NCOA7: variants seen among roughly 807,000 people sequenced by gnomAD.
NCOA7 encodes 140 kDa estrogen receptor-associated protein.
NCOA7 carries 45 observed loss-of-function variants against 104.3 expected under a neutral mutation model. That is an observed-to-expected ratio of 0.43 (90% confidence interval 0.34 to 0.55). The LOEUF (loss-of-function observed/expected upper bound fraction) is 0.55, where lower values mean the gene tolerates loss of function less well. Ranked by LOEUF, NCOA7 falls within the 20% of genes least tolerant of loss-of-function variation. The probability of loss-of-function intolerance (pLI) is 0.02; values close to 1 mark genes in which losing one functional copy is unlikely to be tolerated. For missense variants in NCOA7, 1,041 were observed against 1,119.7 expected (o/e 0.93, Z 1.00); for synonymous variants, 398 against 402.3 (o/e 0.99, Z 0.13).
chr6:125,904,202 G>T (rs1785761697), intron 10 of NCOA7, among the ~76,000 whole-genome samples: 1 of 152,016 alleles, frequency 6.6e-6, no homozygotes, highest in Admixed American at 6.6e-5. Context: ...TAAGCAAATG[G>T]TAAGTCTTGT....
At chr6:125,790,200 G>A (rs182997278), upstream of NCOA7, among the ~76,000 whole-genome samples, 3 of 152,344 alleles carry the variant, frequency 2.0e-5, no homozygotes, top group African/African-American at 7.2e-5. Flanking sequence ...AACGCCAGAA[G>A]GGACACAGGA....
intron 4 of NCOA7, among the ~76,000 whole-genome samples, chr6:125,876,136 T>C (rs1241810908): frequency 6.6e-6 from 1 of 152,248 alleles, no homozygotes; most frequent in East Asian, 1.9e-4. Context: ...ATAGTCATTA[T>C]TTGTAAGCAA....
At chr6:125,838,517 G>C (rs1452247440) in intron 2 of NCOA7, among the ~76,000 whole-genome samples, 1 of 152,154 alleles carries the variant, frequency 6.6e-6, no homozygotes, top group Non-Finnish European at 1.5e-5. Flanking sequence ...GGGTACTTCT[G>C]TTTGCAAGCC....
intron 6 of NCOA7, among the ~76,000 whole-genome samples, chr6:125,881,740 C>CATGGATAG (rs1783852595): frequency 6.9e-6 from 1 of 144,392 alleles, no homozygotes; most frequent in Non-Finnish European, 1.5e-5. Context: ...TTTCCAGTGA[C>CATGGATAG]ATGGATAGTT....
intron 2 of NCOA7, among the ~76,000 whole-genome samples, chr6:125,853,722 T>C (rs186028326): frequency 2.1e-4 from 32 of 152,328 alleles, no homozygotes; most frequent in Non-Finnish European, 3.5e-4. Flanking sequence ...TATTTCTGTT[T>C]CTGTTTGTGT....
intron 2 of NCOA7, among the ~76,000 whole-genome samples, chr6:125,839,475 T>C (rs1779928393): frequency 6.6e-6 from 1 of 151,360 alleles, no homozygotes; most frequent in Admixed American, 6.6e-5. Context: ...AAGTGGACTG[T>C]CGGGTGGGGC....
intron 2 of NCOA7, among the ~76,000 whole-genome samples, chr6:125,847,782 A>G (rs1780754719): frequency 6.6e-6 from 1 of 152,242 alleles, no homozygotes; most frequent in South Asian, 2.1e-4. Context: ...AGCAATGGCA[A>G]CAAAAGCCAA....
chr6:125,853,080 G>T (rs1781258499), intron 2 of NCOA7, among the ~76,000 whole-genome samples: 1 of 152,124 alleles, frequency 6.6e-6, no homozygotes, highest in Non-Finnish European at 1.5e-5. Context: ...ATTTTTATTT[G>T]TTCATGTCAT....
At position 125,862,513 on chromosome 6, in the gene NCOA7, C is replaced by T. The variant is rs1478596822; in HGVS notation, c.271+7273C>T. ...AAGAGACCTTTTGTGTTGTAGATTA[C>T]CTTAAACAAATTTATGAACAAATTA... On this transcript the variant is annotated intron_variant, in intron 3 of 15. Coordinates refer to ENST00000392477, the MANE Select transcript of NCOA7 (RefSeq NM_181782.5). 2.9e-5 allele frequency among the ~76,000 whole-genome samples: 4 copies of T among 137,902 alleles called. 2 individuals carry two copies. Among genetic ancestry groups the T allele is most frequent in the Non-Finnish European group, 6.2e-5 (4 of 64,834 alleles). 90.5% of individuals were successfully genotyped at this position (137,902 alleles called of 152,430 possible).
chr6:125,916,090 A>G (rs1787047554), intron 11 of NCOA7, among the ~76,000 whole-genome samples: 1 of 152,176 alleles, frequency 6.6e-6, no homozygotes, highest in Admixed American at 6.5e-5. Context: ...CAAGGGAGGC[A>G]CCTGGTGGGA....
chr6:125,790,731 C>T (rs1417969966), upstream of NCOA7: 1 of 152,206 alleles, frequency 6.6e-6, no homozygotes, highest in Non-Finnish European at 1.5e-5. Context: ...GACTGCCCGC[C>T]TTCAGCCGGG....
chr6:125,840,604 TC>T (rs954610408), intron 2 of NCOA7, among the ~76,000 whole-genome samples: 1 of 150,958 alleles, frequency 6.6e-6, no homozygotes, highest in Non-Finnish European at 1.5e-5. Flanking sequence ...GCCTCAAACC[TC>T]CCAGGCTCAG....
rs143484936 is a variant in NCOA7, at chr6:125,908,625, C to A, written c.2097-6708C>A. On this transcript the variant is annotated intron_variant, in intron 10 of 15. Coordinates refer to ENST00000392477, the MANE Select transcript of NCOA7 (RefSeq NM_181782.5). ...TACAGACTTTATATAAATCTTCCTT[C>A]TCCCTGACCTACTACCCCATCCACC... 1.9e-3 allele frequency among the ~76,000 whole-genome samples: 287 copies of A among 152,314 alleles called. 4 individuals are homozygous for A. The highest frequency in any genetic ancestry group is 6.4e-3 in the East Asian group (33 of 5,188).
rs1457622740 is a variant in NCOA7 at position 125,836,151 on chromosome 6, A to G, written c.51-18869A>G. 2.6e-5 allele frequency among the ~76,000 whole-genome samples: 4 copies of G among 152,238 alleles called. No homozygotes were observed. The East Asian group carries it at 7.7e-4, about 29-fold the overall frequency. The stretch of plus-strand genomic sequence containing the variant: ...GTGACAGCTTTATGTAGAATTCAGA[A>G]AACTCAATTTAGTGTTTAATACCAC... On this transcript the variant is annotated intron_variant, in intron 2 of 15. Coordinates refer to ENST00000392477, the MANE Select transcript of NCOA7 (RefSeq NM_181782.5).
At chr6:125,843,262 A>G (rs958045089) in intron 2 of NCOA7, among the ~76,000 whole-genome samples, 1 of 152,160 alleles carries the variant, frequency 6.6e-6, no homozygotes, top group Non-Finnish European at 1.5e-5. Flanking sequence ...AAATGGAGGA[A>G]GGGGCTACCA....
chr6:125,879,755 TG>T (rs1160037324), intron 5 of NCOA7, among the ~76,000 whole-genome samples: 1 of 152,146 alleles, frequency 6.6e-6, no homozygotes, highest in African/African-American at 2.4e-5. Flanking sequence ...TCCAGCACTT[TG>T]GAGGCCAAGG....
At chr6:125,924,361 G>T (rs553273309) in intron 13 of NCOA7, among the ~76,000 whole-genome samples, 1 of 152,190 alleles carries the variant, frequency 6.6e-6, no homozygotes, top group Non-Finnish European at 1.5e-5. Context: ...GTCACTGGGT[G>T]GAGTCTTGCT....
At chr6:125,879,266 G>A (rs2077988278) in intron 5 of NCOA7, among the ~76,000 whole-genome samples, 1 of 152,190 alleles carries the variant, frequency 6.6e-6, no homozygotes, top group Non-Finnish European at 1.5e-5. Flanking sequence ...TTTACTGTTA[G>A]TGCATCATAG....
rs751145926 is a variant in NCOA7 at position 125,889,129 on chromosome 6, C to T, written c.1075C>T (p.Pro359Ser). Residue 359 changes from proline (P) to serine (S), a missense_variant, in exon 9 of 16, where the codon CCT becomes TCT. By Grantham distance (74) the Pro-to-Ser change is moderately conservative. Transcript: ENST00000392477. Reference protein sequence around the residue: ...VPLEKSTGHTPTKPSGSSVSE... With the variant: ...VPLEKSTGHTSTKPSGSSVSE... ...TTTGGAGAAGTCCACAGGACATACA[C>T]CTACAAAGCCCTCAGGCAGCTCTGT... The T allele has an allele frequency of 1.9e-5, 31 of 1,614,010 alleles. No homozygotes were observed. Among genetic ancestry groups the T allele is most frequent in the Non-Finnish European group, 2.5e-5 (29 of 1,180,012 alleles).
Sources: allele counts gnomAD v4.1 joint callset (sites outside exome capture counted in the v4.1 genomes callset), GRCh38; gene constraint gnomAD v4.1.1; transcripts MANE v1.5; gene names NCBI Gene and HGNC (gene_info 2026-07-23, HGNC 2026-07-21).